The following TMEM237 variants were observed in gnomAD, a reference collection of about 807,000 sequenced individuals.
TMEM237 encodes the protein transmembrane protein 237, also known as amyotrophic lateral sclerosis 2 (juvenile) chromosome region, candidate 4.
Under a neutral mutation model 59.1 loss-of-function variants are expected in TMEM237, and 51 were observed. That is an observed-to-expected ratio of 0.86 (90% CI 0.69 to 1.09). TMEM237 has a LOEUF of 1.09. TMEM237 is among the 50% of genes least tolerant of loss of function. TMEM237 has a pLI of 0.00. For missense variants in TMEM237, 475 were observed against 478.3 expected (o/e 0.99, Z 0.06); for synonymous variants, 140 against 166.1 (o/e 0.84, Z 1.21).
rs1957734868 is a variant in TMEM237 at position 201,624,014 on chromosome 2, C to A, written c.*241G>T. 2.9e-6 allele frequency: 1 copy of A among 340,172 alleles called. No homozygotes were observed. The highest frequency in any genetic ancestry group is 4.9e-5 in the East Asian group (1 of 20,534). 21.1% of individuals were successfully genotyped at this position (340,172 alleles called of 1,614,324 possible). ...TGAGAAAATAGGAAATAAACACTTT[C>A]ACTTGCTGGTTTCTAGTTCATTATT... is the stretch of plus-strand genomic sequence containing the variant. On this transcript the variant is annotated 3_prime_UTR_variant, in exon 13 of 13. Coordinates refer to ENST00000409883, the MANE Select transcript of TMEM237 (RefSeq NM_001044385.3).
chr2:201,640,231 A>T, intron 3 of TMEM237, 30 bp downstream of exon 3: 1 of 1,541,290 alleles, frequency 6.5e-7, no homozygotes, highest in South Asian at 1.3e-5. Context: ...TTTGAACACC[A>T]AATATTATAT....
At chr2:201,637,917 A>T (rs994688393) in intron 4 of TMEM237, among the ~76,000 whole-genome samples, 3 of 152,256 alleles carry the variant, frequency 2.0e-5, no homozygotes, top group South Asian at 2.1e-4. Flanking sequence ...AGAATGAGAC[A>T]CTCTCAGACT....
chr2:201,629,970 T>C (rs1957795130), intron 7 of TMEM237, 118 bp from the exon 8 acceptor site: 1 of 1,308,758 alleles, frequency 7.6e-7, no homozygotes, highest in Non-Finnish European at 1.0e-6. Context: ...TGCTGTTCTA[T>C]CTGAAAATTC....
intron 12 of TMEM237, among the ~76,000 whole-genome samples, chr2:201,625,621 T>C (rs1364488327): frequency 1.3e-5 from 2 of 152,064 alleles, no homozygotes; most frequent in African/African-American, 4.8e-5. Context: ...TTGTACCAAA[T>C]AGAGAAGGAA....
chr2:201,637,178 A>G (rs570906227), intron 4 of TMEM237, among the ~76,000 whole-genome samples: 57 of 152,322 alleles, frequency 3.7e-4, no homozygotes, highest in African/African-American at 1.3e-3. Context: ...AGAACTTTGA[A>G]AAAGGTGGAA....
rs1278090806 is a variant in TMEM237 at position 201,643,407 on chromosome 2, C to T, written c.-7G>A. The T allele has an allele frequency of 3.9e-6, 6 of 1,524,436 alleles. No homozygotes were observed. Among genetic ancestry groups the T allele is most frequent in the Non-Finnish European group, 4.4e-6 (5 of 1,135,376 alleles). The allele number at this position is 1,524,436 out of a possible 1,614,324, so 94.4% of individuals were successfully genotyped here. ...CCCCCGAGTCAGTCCTCATGGTGCTCTCCCCGCGGGGCTGCCCCGGCGCAA... is the reference window on the plus strand; with the variant it reads ...CCCCCGAGTCAGTCCTCATGGTGCTTTCCCCGCGGGGCTGCCCCGGCGCAA... On this transcript the variant is annotated 5_prime_UTR_variant, in exon 1 of 13. Transcript: ENST00000409883. This position sits in a 1 kb window ranked among gnomAD's most constrained non-coding sequence, Gnocchi z 4.3.
At position 201,626,064 on chromosome 2, in the gene TMEM237, A is replaced by G; in HGVS notation, c.1121T>C (p.Leu374Pro). Residue 374 changes from leucine (L) to proline (P), a missense_variant, in exon 12 of 13, where the codon CTA (leucine) becomes CCA (proline). By Grantham distance (98) the Leu-to-Pro change is moderately conservative. Transcript: ENST00000409883. ...CATGCCTGGCCTATAAGACAAAAAT[A>G]GCCAAGATAATCCAACCAGAAGAGC... ...VVALLVGLSW[L>P]FLSYRPGMDL... 6.2e-7 allele frequency: 1 copy of G among 1,602,452 alleles called. No homozygotes were observed. Among genetic ancestry groups the G allele is most frequent in the African/African-American group, 1.3e-5 (1 of 74,798 alleles).
intron 9 of TMEM237, among the ~76,000 whole-genome samples, chr2:201,628,580 AAAGAT>A (rs1957779931): frequency 1.3e-5 from 2 of 152,304 alleles, no homozygotes; most frequent in Non-Finnish European, 2.9e-5. Flanking sequence ...CAGATGTAAT[AAAGAT>A]AAGATAAGGT....
chr2:201,633,443 ATAAATT>A lies in TMEM237; in HGVS notation c.275-18_275-13del. On this transcript the variant is annotated splice_polypyrimidine_tract_variant and intron_variant, in intron 5 of 12. Transcript: ENST00000409883. ...GGAAGTCTCCAATTCTGAAAACAAA[ATAAATT>A]TAACTTTTCAAATAACTAAAACATA... 6.6e-7 allele frequency: 1 copy of A among 1,512,182 alleles called. No homozygotes were observed. The highest frequency in any genetic ancestry group is 8.8e-7 in the Non-Finnish European group (1 of 1,132,216). 93.7% of individuals were successfully genotyped at this position (1,512,182 alleles called of 1,614,324 possible).
At chr2:201,630,808 A>G (rs937259193) in intron 7 of TMEM237, 16 of 152,172 alleles carry the variant, frequency 1.1e-4, no homozygotes, top group Admixed American at 1.0e-3. Context: ...CACCCTAACC[A>G]AACTGTGAGA....
intron 5 of TMEM237, chr2:201,636,490 C>T (rs765073236): frequency 4.0e-5 from 14 of 352,240 alleles, no homozygotes; most frequent in African/African-American, 2.1e-4. Context: ...TTTCTATGCA[C>T]TGAGATCTGA....
At position 201,622,689 on chromosome 2, in the gene TMEM237, G is replaced by A. The variant is rs1235633545; in HGVS notation, c.*1566C>T. ...ACCCTTCTGGATAATACAGGATAAT[G>A]TCCCCGTTTTAAGGTTCATAACCTT... On this transcript the variant is annotated 3_prime_UTR_variant, in exon 13 of 13. Transcript: ENST00000409883. 1 of 152,276 alleles carries A rather than the reference G, an allele frequency of 6.6e-6. No individual in the cohort carries two copies. Among genetic ancestry groups the A allele is most frequent in the Non-Finnish European group, 1.5e-5 (1 of 68,114 alleles). 9.4% of individuals were successfully genotyped at this position (152,276 alleles called of 1,614,324 possible). A position where few individuals can be genotyped will look rare whatever the true frequency, so the allele number is the denominator to read the frequency against.
Position 201,626,031 on chromosome 2 carries a change from C to G in TMEM237, c.1154G>C (p.Ser385Thr). The G allele has an allele frequency of 1.3e-6, 2 of 1,581,118 alleles. No homozygotes were observed. The highest frequency in any genetic ancestry group is 1.7e-6 in the Non-Finnish European group (2 of 1,162,520). ...CTATTTTTTTTCTTTAATACCTTCA[C>G]TAAGATCCATGCCTGGCCTATAAGA... Reference protein sequence around the residue: ...FLSYRPGMDLSEELMFSSEVE... With the variant: ...FLSYRPGMDLTEELMFSSEVE... Residue 385 changes from serine to threonine, a missense_variant, in exon 12 of 13, where the codon AGT becomes ACT. By Grantham distance (58) the Ser-to-Thr change is moderately conservative. Coordinates refer to ENST00000409883, the MANE Select transcript of TMEM237 (RefSeq NM_001044385.3).
chr2:201,629,934 G>A, intron 7 of TMEM237, 82 bp from the exon 8 acceptor site: 3 of 1,546,546 alleles, frequency 1.9e-6, no homozygotes, highest in Middle Eastern at 1.7e-4. Context: ...CCATACTCAG[G>A]AAGCCGCAAA....
intron 4 of TMEM237, among the ~76,000 whole-genome samples, chr2:201,637,467 G>C (rs1440095805): frequency 1.3e-5 from 2 of 152,110 alleles, no homozygotes; most frequent in Admixed American, 6.5e-5. Context: ...AATTGCACTG[G>C]GTGCAGTGGC....
At chr2:201,633,148 T>G (rs1048237407) in intron 6 of TMEM237, among the ~76,000 whole-genome samples, 163 bp downstream of exon 6, 1 of 152,234 alleles carries the variant, frequency 6.6e-6, no homozygotes, top group South Asian at 2.1e-4. Flanking sequence ...TTCTGAAATT[T>G]ATCATTCGAT....
At chr2:201,632,302 C>G in intron 6 of TMEM237, 94 bp from the exon 7 acceptor site, 4 of 1,368,484 alleles carry the variant, frequency 2.9e-6, no homozygotes, top group Non-Finnish European at 4.0e-6. Context: ...GGAAAGGGCC[C>G]TGGACTTGGA....
intron 7 of TMEM237, among the ~76,000 whole-genome samples, chr2:201,630,536 G>A (rs927413865): frequency 4.6e-5 from 7 of 152,102 alleles, no homozygotes; most frequent in Non-Finnish European, 8.8e-5. Context: ...AACCCAGTTC[G>A]CAGGTGTTTT....
chr2:201,641,700 G>A (rs917850790), intron 1 of TMEM237, among the ~76,000 whole-genome samples: 3 of 113,654 alleles, frequency 2.6e-5, no homozygotes, highest in South Asian at 5.8e-4. Flanking sequence ...TATACATATC[G>A]TGTGTGCATA....
Sources: gnomAD v4.1 joint callset for allele counts (sites outside exome capture counted in the v4.1 genomes callset) on GRCh38, gnomAD v4.1.1 for gene constraint, Gnocchi (gnomAD v3.1) non-coding constraint, MANE v1.5 for transcripts, NCBI Gene and HGNC (gene_info 2026-07-23, HGNC 2026-07-21) for gene names.